The following SMAP2 variants were observed in gnomAD, a reference collection of about 807,000 sequenced individuals.
The protein encoded by SMAP2 is small ArfGAP2.
A neutral mutation model predicts 56.4 loss-of-function variants in SMAP2; 25 were observed. That is an observed-to-expected ratio of 0.44 (90% CI 0.32 to 0.62). The LOEUF (loss-of-function observed/expected upper bound fraction) is 0.62. Among genes scored for constraint, SMAP2 ranks in the 20% least tolerant of loss-of-function variants. The probability of loss-of-function intolerance (pLI) is 0.04; values close to 1 mark genes in which losing one functional copy is unlikely to be tolerated. For synonymous variants in SMAP2, 157 were observed against 181.7 expected, an observed-to-expected ratio of 0.86 and a Z score of 1.09; for missense variants, 388 against 545.6, an observed-to-expected ratio of 0.71 and a Z score of 2.88.
At chr1:40,353,464 G>A (rs896453562) in intron 1 of SMAP2, among the ~76,000 whole-genome samples, 3 of 152,190 alleles carry the variant, frequency 2.0e-5, no homozygotes, top group South Asian at 2.1e-4. Flanking sequence ...CGCCTCCCGG[G>A]TTCAAGTGAT....
chr1:40,401,129 C>A (rs139990405), intron 1 of SMAP2, among the ~76,000 whole-genome samples: 3,858 of 152,118 alleles, frequency 0.025, 247 homozygotes, highest in Admixed American at 0.15. Flanking sequence ...CGGGCGTGAT[C>A]GCGGGCGCCT....
chr1:40,345,899 T>TATTAC (rs1644383854), intron 1 of SMAP2, among the ~76,000 whole-genome samples: 1 of 142,494 alleles, frequency 7.0e-6, no homozygotes, highest in Admixed American at 7.3e-5. Flanking sequence ...TATTATATTA[T>TATTAC]ATTATATTAT....
intron 1 of SMAP2, among the ~76,000 whole-genome samples, chr1:40,388,858 G>A (rs1307895138): frequency 6.6e-6 from 1 of 152,092 alleles, no homozygotes; most frequent in South Asian, 2.1e-4. Context: ...AACACTCACC[G>A]CGAAGGTCTG....
At chr1:40,401,789 C>T (rs1312138877) in intron 1 of SMAP2, among the ~76,000 whole-genome samples, 3 of 152,200 alleles carry the variant, frequency 2.0e-5, no homozygotes, top group Non-Finnish European at 4.4e-5. Flanking sequence ...CCTAGAGAAA[C>T]TTGTCAAAAT....
intron 1 of SMAP2, among the ~76,000 whole-genome samples, chr1:40,360,004 C>CTTTTTTTTTTTTTTT (rs775408458): frequency 4.2e-4 from 43 of 102,468 alleles, no homozygotes; most frequent in African/African-American, 5.4e-4. Context: ...CTTCTTCTTT[C>CTTTTTTTTTTTTTTT]TTTTTTTTTT....
chr1:40,349,343 A>C (rs1165380269), intron 1 of SMAP2, among the ~76,000 whole-genome samples: 1 of 152,180 alleles, frequency 6.6e-6, no homozygotes, highest in East Asian at 1.9e-4. Context: ...CCTCTCATCT[A>C]TACAGCTTCT....
intron 1 of SMAP2, among the ~76,000 whole-genome samples, chr1:40,404,775 T>A (rs1644869676): frequency 6.6e-6 from 1 of 152,036 alleles, no homozygotes; most frequent in Non-Finnish European, 1.5e-5. Flanking sequence ...AACTGTAACC[T>A]AAAATGGATA....
At chr1:40,407,014 CAG>C (rs1264190388) in intron 2 of SMAP2, 145 bp downstream of exon 2, 2 of 801,532 alleles carry the variant, frequency 2.5e-6, no homozygotes, top group Admixed American at 3.2e-5. Flanking sequence ...TGTACCCTAA[CAG>C]AAATTTTTAT....
At chr1:40,392,416 C>G (rs1011808658) in intron 1 of SMAP2, among the ~76,000 whole-genome samples, 5 of 152,156 alleles carry the variant, frequency 3.3e-5, no homozygotes, top group Admixed American at 2.0e-4. Flanking sequence ...TGAGCCTTTG[C>G]TGGAGTAATT....
chr1:40,371,876 C>T (rs1166856126), upstream of SMAP2, among the ~76,000 whole-genome samples: 1 of 152,212 alleles, frequency 6.6e-6, no homozygotes, highest in African/African-American at 2.4e-5. Context: ...ATGTTATCAT[C>T]ATTCCCATTC....
chr1:40,361,268 G>A (rs1240936717), intron 1 of SMAP2, among the ~76,000 whole-genome samples: 1 of 152,108 alleles, frequency 6.6e-6, no homozygotes, highest in Non-Finnish European at 1.5e-5. Context: ...GCCTTGAAGG[G>A]AAGAACCCAG....
At chr1:40,356,573 G>A (rs1452344828) in intron 1 of SMAP2, among the ~76,000 whole-genome samples, 1 of 152,032 alleles carries the variant, frequency 6.6e-6, no homozygotes, top group Non-Finnish European at 1.5e-5. Context: ...ACCATGCCCA[G>A]CTAATTTTTT....
chr1:40,387,254 C>T (rs1481385946), intron 1 of SMAP2, among the ~76,000 whole-genome samples: 2 of 152,150 alleles, frequency 1.3e-5, no homozygotes, highest in South Asian at 2.1e-4. Flanking sequence ...TATTTCATGA[C>T]ATTAAAAACG....
intron 1 of SMAP2, among the ~76,000 whole-genome samples, chr1:40,347,251 G>GTTT (rs1162670774): frequency 1.6e-5 from 1 of 64,340 alleles, no homozygotes; most frequent in African/African-American, 4.0e-5. Flanking sequence ...TTTTGTTTTT[G>GTTT]TTTTTTTTTT....
intron 1 of SMAP2, among the ~76,000 whole-genome samples, chr1:40,359,957 G>A (rs1040004760): frequency 9.3e-5 from 14 of 151,342 alleles, no homozygotes; most frequent in African/African-American, 2.4e-5. Flanking sequence ...TACAGAAAGA[G>A]GCACTGAAGA....
chr1:40,347,424 G>A (rs1011983626), intron 1 of SMAP2, among the ~76,000 whole-genome samples: 8 of 151,796 alleles, frequency 5.3e-5, no homozygotes, highest in African/African-American at 1.9e-4. Flanking sequence ...TGGTAATAAG[G>A]CTAAATATTT....
At chr1:40,392,898 G>C (rs12085078) in intron 1 of SMAP2, among the ~76,000 whole-genome samples, 35,249 of 151,828 alleles carry the variant, frequency 0.23, 4,317 homozygotes, top group Admixed American at 0.33. Flanking sequence ...AGGAGATCGA[G>C]ACCATCCTGA....
intron 1 of SMAP2, chr1:40,375,845 A>G: frequency 1.5e-6 from 1 of 660,972 alleles, no homozygotes; most frequent in Non-Finnish European, 1.8e-6. Context: ...CCCATTTCTC[A>G]TATTACCCTT....
chr1:40,416,364 C>A (rs975539166), intron 8 of SMAP2, 23 bp downstream of exon 8: 2 of 1,605,942 alleles, frequency 1.2e-6, no homozygotes, highest in African/African-American at 1.3e-5. Context: ...GGTGTCATGG[C>A]CATGTGCCAG....
Sources: allele counts gnomAD v4.1 joint callset (sites outside exome capture counted in the v4.1 genomes callset), GRCh38; gene constraint gnomAD v4.1.1; transcripts MANE v1.5; gene names NCBI Gene and HGNC (gene_info 2026-07-23, HGNC 2026-07-21).